Variants in PTK2B observed in about 807,000 individuals in gnomAD.
PTK2B encodes the protein protein tyrosine kinase 2 beta, also known as protein-tyrosine kinase 2-beta.
In PTK2B, 71 loss-of-function variants were observed where a neutral mutation model predicts 142.9. The ratio of observed to expected loss-of-function variants is 0.50; its 90% CI spans 0.41 to 0.61. The LOEUF (loss-of-function observed/expected upper bound fraction) is 0.61, where lower values mean the gene tolerates loss of function less well. Among genes scored for constraint, PTK2B ranks in the 20% least tolerant of loss-of-function variants. The pLI is 0.00. For missense variants in PTK2B, 1,105 were observed against 1,320.4 expected (o/e 0.84, Z 2.53); for synonymous variants, 519 against 503.4 (o/e 1.03, Z -0.42).
chr8:27,453,494 T>A (rs536816482), intron 28 of PTK2B, among the ~76,000 whole-genome samples: 1 of 152,176 alleles, frequency 6.6e-6, no homozygotes, highest in Non-Finnish European at 1.5e-5. Context: ...CCATTGTCCT[T>A]ACAGCCATCT....
intron 1 of PTK2B, among the ~76,000 whole-genome samples, chr8:27,344,942 C>T (rs1006366377): frequency 8.5e-5 from 13 of 152,172 alleles, no homozygotes; most frequent in African/African-American, 1.9e-4. Flanking sequence ...GAGGCCAAGG[C>T]GGGTGGATCA....
chr8:27,389,933 T>G (rs1807607391), intron 1 of PTK2B, among the ~76,000 whole-genome samples: 1 of 152,212 alleles, frequency 6.6e-6, no homozygotes, highest in South Asian at 2.1e-4. Context: ...GCAGGGTCAT[T>G]GCCAATTAGT....
chr8:27,395,746 G>A (rs1808006532), intron 1 of PTK2B, among the ~76,000 whole-genome samples: 1 of 152,136 alleles, frequency 6.6e-6, no homozygotes, highest in Non-Finnish European at 1.5e-5. Context: ...ATTAAACTGT[G>A]GTTGTGCAAG....
chr8:27,430,370 A>G lies in PTK2B; in HGVS notation c.621A>G (p.Glu207=). Residue 207 remains glutamate, a synonymous_variant, in exon 7 of 31, where the codon GAA becomes GAG. Transcript: ENST00000346049. ...TTTTTCTTCCTTCTTGCAGAAAGGA[A>G]GTGGGGCTGGACTTGTTTTTCCCAA... ...KKSNFELLEK[E]VGLDLFFPKQ... is the part of the protein sequence containing the mutation. 1 of 1,614,132 alleles carries G rather than the reference A, an allele frequency of 6.2e-7. No individual in the cohort carries two copies. Among genetic ancestry groups the G allele is most frequent in the Non-Finnish European group, 8.5e-7 (1 of 1,180,022 alleles).
In PTK2B at chr8:27,364,902, C is replaced by T. The variant is rs910790588; in HGVS notation, c.-37-32646C>T. On this transcript the variant is annotated intron_variant, in intron 1 of 30. Coordinates refer to ENST00000346049, the MANE Select transcript of PTK2B (RefSeq NM_173176.3). Reference sequence around the variant, plus strand: ...TGCCAAAATCAATGCATTTGTCACTCGATTGCTGCCCCAGGGTTTCTTCCT... The same window carrying T: ...TGCCAAAATCAATGCATTTGTCACTTGATTGCTGCCCCAGGGTTTCTTCCT... Among the ~76,000 whole-genome samples, 3 of 152,190 alleles carry T rather than the reference C, an allele frequency of 2.0e-5. No individual in the cohort carries two copies. The South Asian group carries it at 6.2e-4, about 32-fold the overall frequency.
chr8:27,439,411 T>A lies in PTK2B; in HGVS notation c.1834+13T>A, dbSNP rs757032879. ...GTCTGGATGTTCGGTGAGTGCTGAT[T>A]TGGGAGGGCATGAAAAGGTGTTCAG... is the stretch of plus-strand genomic sequence containing the variant. On this transcript the variant is annotated intron_variant, in intron 20 of 30. Coordinates refer to ENST00000346049, the MANE Select transcript of PTK2B (RefSeq NM_173176.3). The A allele has an allele frequency of 1.9e-6, 3 of 1,607,958 alleles. No individual in the cohort carries two copies. Among genetic ancestry groups the A allele is most frequent in the South Asian group, 1.1e-5 (1 of 90,954 alleles).
upstream of PTK2B, among the ~76,000 whole-genome samples, chr8:27,321,890 G>A (rs910118697): frequency 1.3e-5 from 2 of 152,174 alleles, no homozygotes; most frequent in Non-Finnish European, 2.9e-5. Flanking sequence ...GGCCTCAACT[G>A]TGGCCCACTT....
chr8:27,456,998 T>TAA (rs1347282762), intron 30 of PTK2B, among the ~76,000 whole-genome samples: 2 of 152,204 alleles, frequency 1.3e-5, no homozygotes, highest in Non-Finnish European at 2.9e-5. Flanking sequence ...CTCTGTAACA[T>TAA]AAAACTGAAG....
At chr8:27,313,705 G>A (rs537805031) in intron 3 of PTK2B, among the ~76,000 whole-genome samples, 15 of 152,246 alleles carry the variant, frequency 9.9e-5, no homozygotes, top group African/African-American at 3.1e-4. Context: ...GAATGCCCCC[G>A]GAAGGTCATA....
chr8:27,434,456 A>C (rs1378623417), intron 12 of PTK2B, 57 bp from the exon 13 acceptor site: 1 of 1,557,912 alleles, frequency 6.4e-7, no homozygotes, highest in Non-Finnish European at 8.7e-7. Context: ...GAGGCTGCCC[A>C]GGGGAACATT....
intron 30 of PTK2B, among the ~76,000 whole-genome samples, chr8:27,457,723 T>C (rs1305356182): frequency 6.6e-6 from 1 of 152,148 alleles, no homozygotes; most frequent in African/African-American, 2.4e-5. Context: ...GCCTATAATC[T>C]CAGCACTATG....
Position 27,431,441 on chromosome 8 carries a change from GGATCC to G in PTK2B, c.856_860del (p.Ile286ProfsTer4). 1 of 1,614,190 alleles carries G rather than the reference GGATCC, an allele frequency of 6.2e-7. No homozygotes were observed. Among genetic ancestry groups the G allele is most frequent in the African/African-American group, 1.3e-5 (1 of 75,062 alleles). On this transcript the variant is annotated frameshift_variant, in exon 9 of 31. Coordinates refer to ENST00000346049, the MANE Select transcript of PTK2B (RefSeq NM_173176.3). LOFTEE classifies it high-confidence loss of function. ...GTGGACCTGGTCATTGGCCCTAAAG[GGATCC>G]GCCAGCTGACTAGTCAGGACGCAAA...
intron 1 of PTK2B, among the ~76,000 whole-genome samples, chr8:27,385,008 C>T (rs939332246): frequency 7.2e-5 from 11 of 152,150 alleles, no homozygotes; most frequent in South Asian, 2.1e-4. Flanking sequence ...CAGGGCATAG[C>T]GGTAAAGAGC....
intron 13 of PTK2B, among the ~76,000 whole-genome samples, chr8:27,435,474 T>C (rs546111717): frequency 2.0e-5 from 3 of 152,364 alleles, no homozygotes; most frequent in African/African-American, 7.2e-5. Flanking sequence ...CCAATACTCA[T>C]TTCATAAAAG....
chr8:27,322,029 A>G (rs10098426), upstream of PTK2B, among the ~76,000 whole-genome samples: 23,903 of 151,100 alleles, frequency 0.16, 5,769 homozygotes, highest in African/African-American at 0.52. Flanking sequence ...TCACTCTGTC[A>G]CCCAGGCTGG....
chr8:27,362,906 T>C (rs1174153343), intron 1 of PTK2B, among the ~76,000 whole-genome samples: 1 of 152,014 alleles, frequency 6.6e-6, no homozygotes, highest in African/African-American at 2.4e-5. Flanking sequence ...AACCGCTGGG[T>C]GGAAATGAGG....
chr8:27,449,465 G>GC (rs1042598337), intron 24 of PTK2B, among the ~76,000 whole-genome samples: 2 of 152,138 alleles, frequency 1.3e-5, no homozygotes, highest in Non-Finnish European at 2.9e-5. Context: ...CTTTTAAGAG[G>GC]CTTGGTAGGA....
intron 22 of PTK2B, 73 bp downstream of exon 22, chr8:27,443,056 C>A: frequency 5.7e-6 from 6 of 1,053,164 alleles, no homozygotes; most frequent in South Asian, 1.4e-5. Flanking sequence ...CCATGTCCCC[C>A]TTACTGCACA....
rs1394036068 is a variant in PTK2B at position 27,458,404 on chromosome 8, G to A, written c.2925G>A (p.Gln975=). The change falls in exon 31 of 31, where the codon CAG becomes CAA. Residue 975 remains glutamine, a synonymous_variant. Coordinates refer to ENST00000346049, the MANE Select transcript of PTK2B (RefSeq NM_173176.3). ...VTSLSEECKR[Q]MLTASHTLAV... is the part of the protein sequence containing the mutation. ...CCCTAAGTGAGGAGTGCAAGAGGCAGATGCTGACGGCTTCACACACCCTGG... is the reference window on the plus strand; with the variant it reads ...CCCTAAGTGAGGAGTGCAAGAGGCAAATGCTGACGGCTTCACACACCCTGG... 1.2e-6 allele frequency: 2 copies of A among 1,613,104 alleles called. No individual in the cohort carries two copies. Among genetic ancestry groups the A allele is most frequent in the Non-Finnish European group, 8.5e-7 (1 of 1,179,546 alleles).
Sources: allele counts gnomAD v4.1 joint callset (sites outside exome capture counted in the v4.1 genomes callset), GRCh38; gene constraint gnomAD v4.1.1; transcripts MANE v1.5; gene names NCBI Gene and HGNC (gene_info 2026-07-23, HGNC 2026-07-21).